Variants in MGRN1 observed in about 807,000 individuals in gnomAD.
MGRN1 encodes the protein E3 ubiquitin-protein ligase MGRN1.
MGRN1 carries 29 observed loss-of-function variants against 69.2 expected under a neutral mutation model. The ratio of observed to expected loss-of-function variants is 0.42; its 90% CI spans 0.31 to 0.57. The LOEUF (loss-of-function observed/expected upper bound fraction) is 0.57. MGRN1 is among the 20% of genes least tolerant of loss of function. The pLI, the probability that MGRN1 is intolerant of heterozygous loss-of-function variation, is 0.15. For missense variants in MGRN1, 998 were observed against 796.2 expected (o/e 1.25, Z -3.05); for synonymous variants, 470 against 344.2 (o/e 1.37, Z -4.04).
chr16:4,659,933 G>A (rs544791763), intron 5 of MGRN1, among the ~76,000 whole-genome samples: 25 of 152,350 alleles, frequency 1.6e-4, no homozygotes, highest in African/African-American at 5.8e-4. Context: ...GGCTGGGTCC[G>A]GAGATGCTTG....
intron 1 of MGRN1, among the ~76,000 whole-genome samples, chr16:4,626,690 C>T (rs1897694771): frequency 1.3e-5 from 2 of 152,256 alleles, no homozygotes; most frequent in South Asian, 2.1e-4. Flanking sequence ...CCGTTCTTCA[C>T]TTGGGCTGAA....
chr16:4,640,110 C>G (rs559089204), intron 1 of MGRN1: 1 of 152,426 alleles, frequency 6.6e-6, no homozygotes, highest in East Asian at 1.9e-4. Context: ...CCCTGTTTTC[C>G]TCTCGCAGAT....
chr16:4,682,455 T>G (rs1158357541), intron 13 of MGRN1, among the ~76,000 whole-genome samples: 1 of 152,176 alleles, frequency 6.6e-6, no homozygotes, highest in Non-Finnish European at 1.5e-5. Context: ...AGGCCCGCCC[T>G]GGGCACCCTC....
At chr16:4,656,514 C>G (rs181540199) in intron 4 of MGRN1, among the ~76,000 whole-genome samples, 1 of 152,244 alleles carries the variant, frequency 6.6e-6, no homozygotes, top group Non-Finnish European at 1.5e-5. Context: ...GACAGCAGGC[C>G]TCTGGGAGCA....
intron 1 of MGRN1, among the ~76,000 whole-genome samples, chr16:4,646,065 T>C (rs2078267649): frequency 2.0e-5 from 3 of 152,136 alleles, no homozygotes; most frequent in South Asian, 4.1e-4. Flanking sequence ...CAGTGAGCAC[T>C]TCCTACCTTA....
intron 9 of MGRN1, among the ~76,000 whole-genome samples, chr16:4,671,760 C>T (rs911645693): frequency 2.6e-5 from 4 of 152,092 alleles, no homozygotes; most frequent in Non-Finnish European, 5.9e-5. Context: ...CTGCCCGGCT[C>T]CTGCCCGCCT....
At chr16:4,629,725 G>T (rs1004696535) in intron 1 of MGRN1, among the ~76,000 whole-genome samples, 3 of 148,026 alleles carry the variant, frequency 2.0e-5, no homozygotes, top group African/African-American at 7.6e-5. Context: ...GTGAAAGAGC[G>T]AGACACCGTC....
At chr16:4,639,110 T>C (rs2078101539) in intron 1 of MGRN1, among the ~76,000 whole-genome samples, 1 of 152,156 alleles carries the variant, frequency 6.6e-6, no homozygotes, top group African/African-American at 2.4e-5. Flanking sequence ...CAGCATCTGC[T>C]TTCATTCATT....
chr16:4,686,162 C>T (rs987192512), intron 16 of MGRN1: 39 of 1,417,574 alleles, frequency 2.8e-5, no homozygotes, highest in African/African-American at 1.1e-4. Context: ...TAGACGGCCT[C>T]GACCGTGTCC....
chr16:4,674,621 C>CTTTTTTTTTTTTTTTTTTTTT (rs2079014394), intron 10 of MGRN1, among the ~76,000 whole-genome samples: 1 of 59,794 alleles, frequency 1.7e-5, no homozygotes, highest in African/African-American at 6.5e-5. Context: ...CTTTTCTTTT[C>CTTTTTTTTTTTTTTTTTTTTT]TTTTCTTTTT....
At chr16:4,686,644 A>C in intron 16 of MGRN1, 2 of 1,127,990 alleles carry the variant, frequency 1.8e-6, no homozygotes, top group Admixed American at 4.7e-5. Context: ...GCCACTGTCC[A>C]CTGCGGGAGG....
intron 8 of MGRN1, 110 bp from the exon 9 acceptor site, chr16:4,671,281 C>G (rs540306878): frequency 3.8e-6 from 4 of 1,044,764 alleles, no homozygotes; most frequent in African/African-American, 1.6e-5. Flanking sequence ...CTGGACTGAC[C>G]CCTGGTATGG....
At position 4,682,825 on chromosome 16, in the gene MGRN1, C is replaced by T. The variant is rs745820631; in HGVS notation, c.1361C>T (p.Thr454Ile). Residue 454 changes from threonine (T) to isoleucine (I), a missense_variant and splice_region_variant, in exon 14 of 17, where the codon ACC becomes ATC. By Grantham distance (89) the Thr-to-Ile change is moderately conservative (BLOSUM62 -1). Coordinates refer to ENST00000262370, the MANE Select transcript of MGRN1 (RefSeq NM_015246.4). ...GRPQSKAPDS[T>I]LRSPSSPIHE... ...CCCACCCTCTCCTCTGTCCCCAGCACCCTACGGTCCCCGTCTTCCCCCATC... is the reference window on the plus strand; with the variant it reads ...CCCACCCTCTCCTCTGTCCCCAGCATCCTACGGTCCCCGTCTTCCCCCATC... 1.9e-6 allele frequency: 3 copies of T among 1,583,342 alleles called. No individual in the cohort carries two copies. Among genetic ancestry groups the T allele is most frequent in the South Asian group, 2.3e-5 (2 of 88,312 alleles).
rs373216269 is a variant in MGRN1, at chr16:4,625,022, C to T, written c.62C>T (p.Ser21Leu). The change falls in exon 1 of 17, where the codon TCG becomes TTG. Residue 21 changes from serine (S) to leucine (L), a missense_variant. Coordinates refer to ENST00000262370, the MANE Select transcript of MGRN1 (RefSeq NM_015246.4). ...GAGGACATCGACATCCAGGCGAACT[C>T]GGCCTATCGCTACCCTCCGAAGTCC... Reference protein sequence around the residue: ...GVEDIDIQANSAYRYPPKSGN... With the variant: ...GVEDIDIQANLAYRYPPKSGN... 9 of 1,555,756 alleles carry T rather than the reference C, an allele frequency of 5.8e-6. No homozygotes were observed. The highest frequency in any genetic ancestry group is 2.8e-5 in the African/African-American group (2 of 70,296).
At chr16:4,686,201 C>G (rs1411869345) in intron 16 of MGRN1, 1 of 1,532,218 alleles carries the variant, frequency 6.5e-7, no homozygotes, top group Non-Finnish European at 8.7e-7. Context: ...TGTGGCTGTG[C>G]TGGCTGCTGC....
intron 10 of MGRN1, among the ~76,000 whole-genome samples, chr16:4,676,706 G>C (rs2079060645): frequency 6.6e-6 from 1 of 152,154 alleles, no homozygotes; most frequent in African/African-American, 2.4e-5. Flanking sequence ...CGTCACTAAA[G>C]GTGTCTCAGG....
Position 4,625,056 on chromosome 16 carries a change from C to G in MGRN1, c.88+8C>G, listed in dbSNP as rs1351041355. The G allele has an allele frequency of 1.3e-6, 2 of 1,537,442 alleles. No individual in the cohort carries two copies. Among genetic ancestry groups the G allele is most frequent in the Non-Finnish European group, 8.7e-7 (1 of 1,144,870 alleles). On this transcript the variant is annotated splice_region_variant and intron_variant, in intron 1 of 16. Coordinates refer to ENST00000262370, the MANE Select transcript of MGRN1 (RefSeq NM_015246.4). Reference sequence around the variant, plus strand: ...GCTACCCTCCGAAGTCCGGTGAGCGCCCGGCCCCAGGCGCGGACTGCTAGG... The same window carrying G: ...GCTACCCTCCGAAGTCCGGTGAGCGGCCGGCCCCAGGCGCGGACTGCTAGG...
At chr16:4,647,193 G>T (rs1377873040) in intron 1 of MGRN1, among the ~76,000 whole-genome samples, 1 of 152,216 alleles carries the variant, frequency 6.6e-6, no homozygotes, top group Non-Finnish European at 1.5e-5. Flanking sequence ...TCATGAACAT[G>T]GTGCACATCT....
intron 2 of MGRN1, 183 bp downstream of exon 2, chr16:4,650,666 T>C (rs1289369140): frequency 2.1e-6 from 1 of 483,616 alleles, no homozygotes; most frequent in Non-Finnish European, 3.6e-6. Context: ...TGTGTCCTGG[T>C]GCTGCCCCCT....
Sources: allele counts gnomAD v4.1 joint callset (sites outside exome capture counted in the v4.1 genomes callset), GRCh38; gene constraint gnomAD v4.1.1; transcripts MANE v1.5; gene names NCBI Gene and HGNC (gene_info 2026-07-23, HGNC 2026-07-21).